PLCB1: variants seen among roughly 807,000 people sequenced by gnomAD.
The protein encoded by PLCB1 is phospholipase C beta 1, also known as 1-phosphatidylinositol 4,5-bisphosphate phosphodiesterase beta-1.
Under a neutral mutation model 161.8 loss-of-function variants are expected in PLCB1, and 46 were observed. That is an observed-to-expected ratio of 0.28 (90% CI 0.22 to 0.36). PLCB1 has a LOEUF of 0.36. Among genes scored for constraint, PLCB1 ranks in the 10% least tolerant of loss-of-function variants. The probability of loss-of-function intolerance (pLI) is 1.00; values close to 1 mark genes in which losing one functional copy is unlikely to be tolerated. For missense variants in PLCB1, 1,016 were observed against 1,472.5 expected (o/e 0.69, Z 5.07); for synonymous variants, 517 against 503.7 (o/e 1.03, Z -0.35).
At chr20:8,712,799 G>A (rs1322754624) in intron 12 of PLCB1, among the ~76,000 whole-genome samples, 1 of 152,126 alleles carries the variant, frequency 6.6e-6, no homozygotes, top group East Asian at 1.9e-4. Context: ...TGCCCCAGAC[G>A]CTCACACCTT....
chr20:8,328,045 G>A (rs1308887212), intron 2 of PLCB1, among the ~76,000 whole-genome samples: 3 of 151,998 alleles, frequency 2.0e-5, no homozygotes, highest in Non-Finnish European at 4.4e-5. Flanking sequence ...GGCCAGAAGT[G>A]TTTTAAGATT....
intron 9 of PLCB1, among the ~76,000 whole-genome samples, chr20:8,682,400 GC>G (rs2123391711): frequency 6.6e-6 from 1 of 152,330 alleles, no homozygotes. Flanking sequence ...TACTCGGGAG[GC>G]TGAGGCAGGA....
intron 2 of PLCB1, among the ~76,000 whole-genome samples, chr20:8,191,322 C>G (rs1239627715): frequency 6.6e-6 from 1 of 151,970 alleles, no homozygotes; most frequent in African/African-American, 2.4e-5. Flanking sequence ...AAGATCAAGA[C>G]AATGAACAAC....
intron 3 of PLCB1, among the ~76,000 whole-genome samples, chr20:8,447,549 C>T (rs1293444461): frequency 1.3e-5 from 2 of 152,134 alleles, no homozygotes; most frequent in East Asian, 1.9e-4. Flanking sequence ...GACAAACATA[C>T]TGAGGGATAG....
intron 3 of PLCB1, among the ~76,000 whole-genome samples, chr20:8,522,877 A>T (rs944523465): frequency 6.8e-6 from 1 of 147,116 alleles, no homozygotes; most frequent in Non-Finnish European, 1.5e-5. Flanking sequence ...TTGAGGCAAG[A>T]AAGTTGGTGG....
intron 2 of PLCB1, among the ~76,000 whole-genome samples, chr20:8,212,650 C>CTT (rs1171142554): frequency 6.6e-6 from 1 of 152,042 alleles, no homozygotes; most frequent in Middle Eastern, 3.2e-3. Flanking sequence ...AAAGATGAAA[C>CTT]ATCTCTACAA....
intron 3 of PLCB1, among the ~76,000 whole-genome samples, chr20:8,394,639 C>T (rs1259551468): frequency 2.6e-5 from 4 of 152,134 alleles, no homozygotes; most frequent in African/African-American, 9.7e-5. Context: ...AAGGCCATAA[C>T]ATATATTTCA....
intron 16 of PLCB1, among the ~76,000 whole-genome samples, chr20:8,725,018 G>A (rs990389391): frequency 2.0e-5 from 3 of 152,036 alleles, no homozygotes; most frequent in East Asian, 1.9e-4. Context: ...CATGGCTATC[G>A]GAAAGACACA....
At chr20:8,153,766 C>T (rs192277349) in intron 2 of PLCB1, among the ~76,000 whole-genome samples, 50 of 152,204 alleles carry the variant, frequency 3.3e-4, no homozygotes, top group African/African-American at 1.2e-3. Context: ...GTTCAGTAAA[C>T]CCTTCCTTGT....
intron 3 of PLCB1, among the ~76,000 whole-genome samples, chr20:8,593,246 C>T (rs1987207390): frequency 6.6e-6 from 1 of 152,146 alleles, no homozygotes. Context: ...GATCATGGCT[C>T]ACTGCAGCCT....
chr20:8,403,886 A>G (rs1330542601), intron 3 of PLCB1, among the ~76,000 whole-genome samples: 1 of 152,162 alleles, frequency 6.6e-6, no homozygotes. Flanking sequence ...CTAGTAACTC[A>G]TTTGTACTTG....
chr20:8,137,325 T>C (rs916202657), intron 1 of PLCB1, among the ~76,000 whole-genome samples: 2 of 152,200 alleles, frequency 1.3e-5, no homozygotes, highest in South Asian at 2.1e-4. Context: ...GGGAATTTAG[T>C]AGCGTTCACT....
At chr20:8,452,906 A>G (rs775962545) in intron 3 of PLCB1, among the ~76,000 whole-genome samples, 1 of 152,202 alleles carries the variant, frequency 6.6e-6, no homozygotes, top group Non-Finnish European at 1.5e-5. Flanking sequence ...ATCATCAACA[A>G]CACCATGTTT....
chr20:8,658,537 G>T lies in PLCB1; in HGVS notation c.696-1G>T. On this transcript the variant is annotated splice_acceptor_variant, in intron 8 of 31. Coordinates refer to ENST00000338037, the MANE Select transcript of PLCB1 (RefSeq NM_015192.4). LOFTEE classifies it high-confidence loss of function. ...ATTGCTTGGTTTTTCATTGTTTTTA[G>T]TGGTGCAAAAAGCAAACCATATCTT... 6.3e-7 allele frequency: 1 copy of T among 1,588,362 alleles called. No homozygotes were observed.
rs141751434 is a variant in PLCB1, at chr20:8,751,648, A to C, written c.2524-5398A>C. ...GATATTGCAATGATTGCATTTGTCC[A>C]CTAGAGGGCAGGAACTTACTTCTGT... On this transcript the variant is annotated intron_variant, in intron 23 of 31. Transcript: ENST00000338037. 5.4e-3 allele frequency: 819 copies of C among 152,326 alleles called. 5 individuals are homozygous for C. Among genetic ancestry groups the C allele is most frequent in the African/African-American group, 0.019 (782 of 41,574 alleles). The allele number at this position is 152,326 out of a possible 1,614,324, so 9.4% of individuals were successfully genotyped here.
chr20:8,857,086 C>T (rs1051589559), intron 31 of PLCB1, among the ~76,000 whole-genome samples: 4 of 152,160 alleles, frequency 2.6e-5, no homozygotes, highest in South Asian at 2.1e-4. Context: ...TCTGCTAGAA[C>T]GACCGGATCT....
intron 31 of PLCB1, among the ~76,000 whole-genome samples, chr20:8,834,474 G>A (rs1039623956): frequency 6.6e-6 from 1 of 152,034 alleles, no homozygotes; most frequent in East Asian, 1.9e-4. Flanking sequence ...TATGGAGGCT[G>A]GCAAGTCCAA....
At chr20:8,192,510 A>ATT (rs1555789187) in intron 2 of PLCB1, among the ~76,000 whole-genome samples, 1 of 143,966 alleles carries the variant, frequency 6.9e-6, no homozygotes, top group African/African-American at 2.6e-5. Context: ...GCATTGGTAG[A>ATT]TTTTTTTTTT....
At chr20:8,431,658 CTGAT>C (rs1287762970) in intron 3 of PLCB1, among the ~76,000 whole-genome samples, 3 of 152,204 alleles carry the variant, frequency 2.0e-5, no homozygotes, top group Admixed American at 1.3e-4. Flanking sequence ...AATATTAAGT[CTGAT>C]TGGGAACATC....
Sources: gnomAD v4.1 joint callset for allele counts (sites outside exome capture counted in the v4.1 genomes callset) on GRCh38, gnomAD v4.1.1 for gene constraint, MANE v1.5 for transcripts, NCBI Gene and HGNC (gene_info 2026-07-23, HGNC 2026-07-21) for gene names.